CCDC195: variants seen among roughly 807,000 people sequenced by gnomAD.
CCDC195 encodes the protein coiled-coil domain-containing protein 195.
intron 1 of CCDC195, among the ~76,000 whole-genome samples, chr2:224,715,784 A>G (rs1346574346): frequency 6.6e-6 from 1 of 152,196 alleles, no homozygotes; most frequent in East Asian, 1.9e-4. Flanking sequence ...TGTGCGTGCC[A>G]TTTGACATAC....
At chr2:224,707,995 C>T (rs1163534378) in intron 2 of CCDC195, among the ~76,000 whole-genome samples, 2 of 46,638 alleles carry the variant, frequency 4.3e-5, no homozygotes, top group African/African-American at 1.3e-4. Flanking sequence ...TCCCTCCCTC[C>T]CTCCCTTCCT....
chr2:224,707,999 C>CCTCCCTCCCTCCCTCA (rs1689246295), intron 2 of CCDC195, among the ~76,000 whole-genome samples: 1 of 65,504 alleles, frequency 1.5e-5, no homozygotes, highest in Non-Finnish European at 2.6e-5. Context: ...TCCCTCCCTC[C>CCTCCCTCCCTCCCTCA]CTTCCTTCCT....
At position 224,706,189 on chromosome 2, in the gene CCDC195, C is replaced by CTTTTTTTTTTTTTTTTTTT. The variant is rs201012911; in HGVS notation, c.483-2321_483-2303dup. Among the ~76,000 whole-genome samples the CTTTTTTTTTTTTTTTTTTT allele has an allele frequency of 1.7e-3, 56 of 33,360 alleles. 19 individuals are homozygous for CTTTTTTTTTTTTTTTTTTT. Among genetic ancestry groups the CTTTTTTTTTTTTTTTTTTT allele is most frequent in the African/African-American group, 2.8e-3 (18 of 6,376 alleles). 21.9% of individuals were successfully genotyped at this position (33,360 alleles called of 152,430 possible). A position where few individuals can be genotyped will look rare whatever the true frequency, so the allele number is the denominator to read the frequency against. ...TGTATATTGCCTCTATATTTTGTAA[C>CTTTTTTTTTTTTTTTTTTT]TTTTTTTTTTTTTTTTTTTTTTTTT... On this transcript the variant is annotated intron_variant, in intron 2 of 2. Transcript: ENST00000638102.
At chr2:224,703,933 CTTTA>C in intron 2 of CCDC195, 46 bp from the exon 3 acceptor site, 1 of 398,110 alleles carries the variant, frequency 2.5e-6, no homozygotes, top group Non-Finnish European at 4.4e-6. Flanking sequence ...TTTAGTGAGA[CTTTA>C]TATAGAACAT....
intron 1 of CCDC195, among the ~76,000 whole-genome samples, chr2:224,711,295 C>T (rs1689315466): frequency 1.3e-5 from 2 of 151,090 alleles, no homozygotes; most frequent in Non-Finnish European, 2.9e-5. Context: ...CAGGGACTTC[C>T]AATTCAGTTT....
chr2:224,706,497 G>GACCGACA (rs1697241847), intron 2 of CCDC195, among the ~76,000 whole-genome samples: 1 of 143,202 alleles, frequency 7.0e-6, no homozygotes, highest in African/African-American at 2.6e-5. Flanking sequence ...GAGCCACTGT[G>GACCGACA]CCTGGCTGTA....
chr2:224,707,595 C>T (rs571760559), intron 2 of CCDC195, among the ~76,000 whole-genome samples: 7 of 152,244 alleles, frequency 4.6e-5, no homozygotes, highest in South Asian at 2.1e-4. Flanking sequence ...TACTTAACAC[C>T]GTCTAACATA....
chr2:224,715,438 G>T (rs1403308742), intron 1 of CCDC195, among the ~76,000 whole-genome samples: 1 of 152,174 alleles, frequency 6.6e-6, no homozygotes, highest in African/African-American at 2.4e-5. Flanking sequence ...TCTGTATCTT[G>T]AAGTCTTCAA....
At chr2:224,708,926 GGA>G (rs1689269245) in intron 2 of CCDC195, among the ~76,000 whole-genome samples, 1 of 152,054 alleles carries the variant, frequency 6.6e-6, no homozygotes, top group Admixed American at 6.6e-5. Context: ...GCAGAGTGTG[GGA>G]GAGAGGGGGC....
intron 2 of CCDC195, among the ~76,000 whole-genome samples, chr2:224,704,315 C>A (rs1251234237): frequency 2.0e-5 from 3 of 152,136 alleles, no homozygotes; most frequent in African/African-American, 7.2e-5. Flanking sequence ...ACACATCATG[C>A]CTGAAGAGTA....
At chr2:224,714,990 A>G (rs954467456) in intron 1 of CCDC195, among the ~76,000 whole-genome samples, 10 of 151,880 alleles carry the variant, frequency 6.6e-5, no homozygotes, top group African/African-American at 2.4e-4. Context: ...GTGCAGTGGC[A>G]AGATCTCAGC....
At chr2:224,705,002 G>A (rs75415397) in intron 2 of CCDC195, among the ~76,000 whole-genome samples, 1,640 of 152,202 alleles carry the variant, frequency 0.011, 29 homozygotes, top group African/African-American at 0.038. Context: ...AACAACCACT[G>A]CCACTTGGTG....
chr2:224,709,481 T>G (rs756237619), intron 2 of CCDC195, among the ~76,000 whole-genome samples: 5 of 152,204 alleles, frequency 3.3e-5, no homozygotes, highest in Non-Finnish European at 5.9e-5. Context: ...GAGTTATGCC[T>G]AAATAATTTT....
intron 1 of CCDC195, 111 bp from the exon 2 acceptor site, chr2:224,710,330 A>C (rs890752398): frequency 2.5e-6 from 1 of 396,954 alleles, no homozygotes. Context: ...ATTGTTTCTC[A>C]TTACTTTTTT....
chr2:224,713,803 AT>A (rs59559911), intron 1 of CCDC195, among the ~76,000 whole-genome samples: 26 of 136,532 alleles, frequency 1.9e-4, no homozygotes, highest in Non-Finnish European at 1.7e-4. Flanking sequence ...TTTCACCAGT[AT>A]TTTTTTTTTT....
chr2:224,710,001 C>T (rs1272581670), exon 2 of CCDC195: 1 of 398,514 alleles, frequency 2.5e-6, no homozygotes, highest in East Asian at 3.6e-5. Context: ...TCAGGAGAAG[C>T]TCTTTGGCTG....
intron 2 of CCDC195, among the ~76,000 whole-genome samples, chr2:224,706,005 G>T (rs1697235950): frequency 6.6e-6 from 1 of 151,914 alleles, no homozygotes. Context: ...ATAATTCTCA[G>T]CATTGTATGT....
chr2:224,709,894 C>T (rs1045031467), intron 2 of CCDC195, 79 bp downstream of exon 2: 12 of 398,040 alleles, frequency 3.0e-5, no homozygotes, highest in Non-Finnish European at 3.5e-5. Flanking sequence ...CTAGATAAGA[C>T]TTCATTTATC....
At chr2:224,713,255 T>G (rs1559322791) in intron 1 of CCDC195, among the ~76,000 whole-genome samples, 1 of 152,220 alleles carries the variant, frequency 6.6e-6, no homozygotes, top group Admixed American at 6.5e-5. Flanking sequence ...CTATTAAAAC[T>G]ACTGATAAAA....
Sources: gnomAD v4.1 joint callset for allele counts (sites outside exome capture counted in the v4.1 genomes callset) on GRCh38, gnomAD v4.1.1 for gene constraint, MANE v1.5 for transcripts, NCBI Gene and HGNC (gene_info 2026-07-23, HGNC 2026-07-21) for gene names.